The following CDC42 variants were observed in gnomAD, a reference collection of about 807,000 sequenced individuals.
CDC42 encodes the protein cell division cycle 42, also known as cell division control protein 42 homolog.
A neutral mutation model predicts 20.8 loss-of-function variants in CDC42; 1 was observed. The observed-to-expected ratio is 0.05, with a 90% CI of 0.02 to 0.23. CDC42 has a LOEUF of 0.23. CDC42 is among the 10% of genes least tolerant of loss of function. The pLI, the probability that CDC42 is intolerant of heterozygous loss-of-function variation, is 1.00. For synonymous variants in CDC42, 72 were observed against 84.8 expected, an observed-to-expected ratio of 0.85 and a Z score of 0.83; for missense variants, 49 against 227.9, an observed-to-expected ratio of 0.21 and a Z score of 5.05.
Position 22,086,662 on chromosome 1 carries a change from T to G in CDC42, c.289-7T>G. On this transcript the variant is annotated splice_polypyrimidine_tract_variant and splice_region_variant and intron_variant, in intron 4 of 5. Transcript: ENST00000656825. ...ACAAAGGTGTATTTTAAAATACCTTTTTTTAGTGGGTGCCTGAGATAACTC... is the reference window on the plus strand; with the variant it reads ...ACAAAGGTGTATTTTAAAATACCTTGTTTTAGTGGGTGCCTGAGATAACTC... The G allele has an allele frequency of 6.2e-7, 1 of 1,613,688 alleles. No homozygotes were observed. Among genetic ancestry groups the G allele is most frequent in the South Asian group, 1.1e-5 (1 of 91,080 alleles).
At chr1:22,068,097 C>G (rs575385830) in intron 1 of CDC42, among the ~76,000 whole-genome samples, 2 of 152,206 alleles carry the variant, frequency 1.3e-5, no homozygotes, top group Middle Eastern at 3.4e-3. Flanking sequence ...CAAAAAAAAT[C>G]TTTAGGAAAC....
intron 2 of CDC42, 46 bp from the exon 3 acceptor site, chr1:22,081,675 TA>T: frequency 8.3e-7 from 1 of 1,199,920 alleles, no homozygotes; most frequent in Non-Finnish European, 1.2e-6. Flanking sequence ...TGTCCCATTT[TA>T]ACTCTCTCCT....
intron 1 of CDC42, among the ~76,000 whole-genome samples, chr1:22,062,165 G>T (rs1202785205): frequency 6.6e-6 from 1 of 151,820 alleles, no homozygotes; most frequent in East Asian, 2.0e-4. Flanking sequence ...CAAACTCCTG[G>T]CCTTAAATGA....
At position 22,092,662 on chromosome 1, in the gene CDC42, C is replaced by A. The variant is rs2124058250; in HGVS notation, c.*1145C>A. 1 of 152,694 alleles carries A rather than the reference C, an allele frequency of 6.5e-6. No individual in the cohort carries two copies. The highest frequency in any genetic ancestry group is 1.9e-4 in the East Asian group (1 of 5,184). The allele number at this position is 152,694 out of a possible 1,614,324, so 9.5% of individuals were successfully genotyped here. On this transcript the variant is annotated 3_prime_UTR_variant, in exon 6 of 6. Coordinates refer to ENST00000656825, the MANE Select transcript of CDC42 (RefSeq NM_001791.4). ...ACCAGTCAGGGGAATCCCCTTATTTCTGTTTTGCATATGAGGAACCCTAGA... is the reference window on the plus strand; with the variant it reads ...ACCAGTCAGGGGAATCCCCTTATTTATGTTTTGCATATGAGGAACCCTAGA...
intron 5 of CDC42, chr1:22,090,882 C>A: frequency 1.2e-6 from 1 of 803,568 alleles, no homozygotes; most frequent in Non-Finnish European, 1.5e-6. Context: ...CACATTTTTG[C>A]TCCCTTGAAT....
chr1:22,081,977 A>G (rs1327406504), intron 3 of CDC42, among the ~76,000 whole-genome samples, 183 bp downstream of exon 3: 2 of 151,708 alleles, frequency 1.3e-5, no homozygotes, highest in Admixed American at 1.3e-4. Context: ...TGGGTCGGCA[A>G]ATAGGAGTTT....
At chr1:22,086,910 T>C in intron 5 of CDC42, 44 bp downstream of exon 5, 1 of 1,492,856 alleles carries the variant, frequency 6.7e-7, no homozygotes, top group Non-Finnish European at 9.3e-7. Context: ...GGTCGAGTCA[T>C]TTATTAGAGC....
intron 1 of CDC42, among the ~76,000 whole-genome samples, chr1:22,061,566 T>G (rs1645365633): frequency 8.0e-6 from 1 of 124,274 alleles, no homozygotes. Context: ...TTTTTTGAGA[T>G]GGAGTCTTGC....
In CDC42 at chr1:22,069,060, G is replaced by A. The variant is rs1237769539; in HGVS notation, c.-50-9369G>A. Among the ~76,000 whole-genome samples, 6 of 152,188 alleles carry A rather than the reference G, an allele frequency of 3.9e-5. No individual in the cohort carries two copies. The East Asian group carries it at 7.7e-4, about 20-fold the overall frequency. On this transcript the variant is annotated intron_variant, in intron 1 of 5. Transcript: ENST00000656825. Reference sequence around the variant, plus strand: ...CTACGTATAGGACAAAGCTTGGCACGTGGTAGGTACTTAGTAAAGGCTTGT... The same window carrying A: ...CTACGTATAGGACAAAGCTTGGCACATGGTAGGTACTTAGTAAAGGCTTGT...
At chr1:22,088,911 G>GC (rs1377310477) in intron 5 of CDC42, among the ~76,000 whole-genome samples, 10 of 152,114 alleles carry the variant, frequency 6.6e-5, no homozygotes, top group African/African-American at 2.4e-4. Flanking sequence ...TGCTTTTAAA[G>GC]AATTTACTGC....
rs1177158497 is a variant in CDC42 at position 22,086,380 on chromosome 1, A to G, written c.179-59A>G. 4 of 1,137,568 alleles carry G rather than the reference A, an allele frequency of 3.5e-6. No homozygotes were observed. In the South Asian group the frequency reaches 4.2e-5, roughly 12 times the overall value. 70.5% of individuals were successfully genotyped at this position (1,137,568 alleles called of 1,614,324 possible). On this transcript the variant is annotated intron_variant, in intron 3 of 5. Coordinates refer to ENST00000656825, the MANE Select transcript of CDC42 (RefSeq NM_001791.4). ...GAGTAATGACCAGCATGCTTTTAAC[A>G]CTTTGAGGACACCAAGATTCAGTTG... is the stretch of plus-strand genomic sequence containing the variant.
In CDC42 at chr1:22,097,797, G is replaced by A. The variant is rs2124068125; in HGVS notation, c.*6280G>A. Among the ~76,000 whole-genome samples, 1 of 152,362 alleles carries A rather than the reference G, an allele frequency of 6.6e-6. No homozygotes were observed. The highest frequency in any genetic ancestry group is 1.5e-5 in the Non-Finnish European group (1 of 68,042). ...GTATGTCTAATAAAGGAGTACAGTG[G>A]AAGGTTTAAAAGCACATTGCTGATT... On this transcript the variant is annotated 3_prime_UTR_variant, in exon 6 of 6. Coordinates refer to ENST00000656825, the MANE Select transcript of CDC42 (RefSeq NM_001791.4).
intron 1 of CDC42, among the ~76,000 whole-genome samples, chr1:22,074,547 C>T (rs572815488): frequency 2.0e-5 from 3 of 152,090 alleles, no homozygotes; most frequent in African/African-American, 4.8e-5. Context: ...TTTACCCACC[C>T]CAATCTGTGG....
At chr1:22,069,798 G>T (rs1051394252) in intron 1 of CDC42, among the ~76,000 whole-genome samples, 1 of 108,242 alleles carries the variant, frequency 9.2e-6, no homozygotes, top group African/African-American at 2.7e-5. Context: ...GTTTGTTTTT[G>T]TTGTTGTTGT....
rs191656662 is a variant in CDC42, at chr1:22,093,415, C to A, written c.*1898C>A. On this transcript the variant is annotated 3_prime_UTR_variant, in exon 6 of 6. Coordinates refer to ENST00000656825, the MANE Select transcript of CDC42 (RefSeq NM_001791.4). ...ACACCTAGTTGGTTATCTCAAACTA[C>A]TACTATCAGAATACAGGTTCTGTGC... Among the ~76,000 whole-genome samples, 1 of 152,206 alleles carries A rather than the reference C, an allele frequency of 6.6e-6. No homozygotes were observed. The highest frequency in any genetic ancestry group is 1.5e-5 in the Non-Finnish European group (1 of 68,036).
At chr1:22,090,232 C>G in intron 5 of CDC42, 1 of 1,265,386 alleles carries the variant, frequency 7.9e-7, no homozygotes, top group Non-Finnish European at 1.0e-6. Context: ...TCAAGTTGGA[C>G]TTGTTTTAAC....
At chr1:22,078,369 G>A (rs1466886120) in intron 1 of CDC42, 60 bp from the exon 2 acceptor site, 3 of 770,092 alleles carry the variant, frequency 3.9e-6, no homozygotes, top group Non-Finnish European at 6.2e-6. Context: ...CTGTTGCTAA[G>A]TGAGGAAGAA....
At chr1:22,090,312 G>T (rs879688560) in intron 5 of CDC42, 12 of 1,107,932 alleles carry the variant, frequency 1.1e-5, no homozygotes, top group Non-Finnish European at 1.3e-5. Flanking sequence ...AGGGAACTTG[G>T]TCTGGCTTTA....
In CDC42 at chr1:22,093,353, A is replaced by G. The variant is rs1645734284; in HGVS notation, c.*1836A>G. On this transcript the variant is annotated 3_prime_UTR_variant, in exon 6 of 6. Transcript: ENST00000656825. ...GAACAATGTGATTTTTAAGTTTTCC[A>G]GGCATTTCTAAAATGTAGCCAAGTT... Among the ~76,000 whole-genome samples, 1 of 152,236 alleles carries G rather than the reference A, an allele frequency of 6.6e-6. No individual in the cohort carries two copies. Among genetic ancestry groups the G allele is most frequent in the African/African-American group, 2.4e-5 (1 of 41,458 alleles).
Sources: allele counts gnomAD v4.1 joint callset (sites outside exome capture counted in the v4.1 genomes callset), GRCh38; gene constraint gnomAD v4.1.1; transcripts MANE v1.5; gene names NCBI Gene and HGNC (gene_info 2026-07-23, HGNC 2026-07-21).